The following ARL13B variants were observed in gnomAD, a reference collection of about 807,000 sequenced individuals.
The protein encoded by ARL13B is ARF like GTPase 13B.
In ARL13B, 36 loss-of-function variants were observed where a neutral mutation model predicts 56.1. The ratio of observed to expected loss-of-function variants is 0.64; its 90% confidence interval spans 0.49 to 0.85. ARL13B has a LOEUF of 0.85. ARL13B is among the 40% of genes least tolerant of loss of function. The pLI is 0.00. For missense variants in ARL13B, 519 were observed against 507.1 expected (o/e 1.02, Z -0.23); for synonymous variants, 178 against 171.1 (o/e 1.04, Z -0.32).
intron 7 of ARL13B, among the ~76,000 whole-genome samples, chr3:94,046,690 GTTTT>G (rs1250377278): frequency 1.3e-5 from 2 of 151,966 alleles, no homozygotes; most frequent in African/African-American, 4.8e-5. Context: ...ACATCTTAAG[GTTTT>G]TTGTTTGTTT....
At chr3:94,027,930 A>G (rs2076591494) in intron 3 of ARL13B, among the ~76,000 whole-genome samples, 1 of 152,150 alleles carries the variant, frequency 6.6e-6, no homozygotes, top group Non-Finnish European at 1.5e-5. Context: ...ATAGCAAATT[A>G]TTTCAGATTT....
intron 3 of ARL13B, chr3:94,028,442 C>T (rs920508281): frequency 3.3e-5 from 5 of 152,238 alleles, no homozygotes; most frequent in African/African-American, 1.2e-4. Flanking sequence ...ATCTGAATAT[C>T]ATCTCATGTT....
intron 3 of ARL13B, among the ~76,000 whole-genome samples, chr3:94,016,647 T>A (rs1205090658): frequency 7.6e-6 from 1 of 132,132 alleles, no homozygotes. Context: ...TAATTAAGCT[T>A]TCTTTTTTTT....
intron 3 of ARL13B, among the ~76,000 whole-genome samples, chr3:94,009,828 G>A (rs2076194808): frequency 1.3e-5 from 2 of 152,096 alleles, no homozygotes; most frequent in South Asian, 4.1e-4. Context: ...CTTCATAGCA[G>A]CTGTAATTTA....
chr3:94,036,455 G>T, intron 4 of ARL13B, 97 bp from the exon 5 acceptor site: 2 of 1,276,196 alleles, frequency 1.6e-6, no homozygotes, highest in Non-Finnish European at 2.2e-6. Flanking sequence ...AACTTAAATG[G>T]CTTAATTTTG....
chr3:94,035,564 A>G lies in ARL13B; in HGVS notation c.486+128A>G, dbSNP rs1384155725. On this transcript the variant is annotated intron_variant, in intron 4 of 9. Coordinates refer to ENST00000394222, the MANE Select transcript of ARL13B (RefSeq NM_001174150.2). ...TTCAAAGAATTTTTTGTAACCTATG[A>G]AATCACATTCCCATTTTTCTGTTGA... 4.7e-6 allele frequency: 3 copies of G among 638,742 alleles called. No homozygotes were observed. The African/African-American group carries it at 5.6e-5, about 12-fold the overall frequency. The allele number at this position is 638,742 out of a possible 1,614,324, so 39.6% of individuals were successfully genotyped here. A position where few individuals can be genotyped will look rare whatever the true frequency, so the allele number is the denominator to read the frequency against.
chr3:94,042,993 A>T, intron 6 of ARL13B, 22 bp from the exon 7 acceptor site: 1 of 1,550,418 alleles, frequency 6.4e-7, no homozygotes, highest in Non-Finnish European at 8.8e-7. Flanking sequence ...TAGTAAAGAT[A>T]ATGTATTTTA....
intron 1 of ARL13B, among the ~76,000 whole-genome samples, chr3:93,986,475 G>A (rs1710469450): frequency 6.6e-6 from 1 of 151,974 alleles, no homozygotes; most frequent in Non-Finnish European, 1.5e-5. Flanking sequence ...TCTCACATAT[G>A]TATCATAAAA....
chr3:94,023,512 A>G (rs183443179), intron 3 of ARL13B, among the ~76,000 whole-genome samples: 1 of 152,046 alleles, frequency 6.6e-6, no homozygotes. Flanking sequence ...TAATTTCTTT[A>G]AGAACTTTAT....
intron 3 of ARL13B, among the ~76,000 whole-genome samples, chr3:94,016,132 G>T (rs370787296): frequency 6.6e-6 from 1 of 151,774 alleles, no homozygotes; most frequent in Non-Finnish European, 1.5e-5. Context: ...TATATGAAAT[G>T]ACATACATAC....
At chr3:93,985,050 A>C (rs1210930389) in intron 1 of ARL13B, among the ~76,000 whole-genome samples, 2 of 152,188 alleles carry the variant, frequency 1.3e-5, no homozygotes, top group East Asian at 1.9e-4. Context: ...ACTAAATAAA[A>C]ATTTTAAATT....
At chr3:94,027,808 A>G (rs2076589158) in intron 3 of ARL13B, among the ~76,000 whole-genome samples, 3 of 152,118 alleles carry the variant, frequency 2.0e-5, no homozygotes, top group Admixed American at 2.0e-4. Flanking sequence ...GAAATATTAT[A>G]AAGGTTAGTG....
intron 2 of ARL13B, 63 bp downstream of exon 2, chr3:93,996,007 G>T: frequency 2.0e-6 from 3 of 1,500,976 alleles, no homozygotes; most frequent in Non-Finnish European, 2.8e-6. Flanking sequence ...TATTTATTTT[G>T]TTAAGTTGCT....
intron 3 of ARL13B, among the ~76,000 whole-genome samples, chr3:94,022,399 T>A (rs1322776663): frequency 1.3e-5 from 2 of 152,190 alleles, no homozygotes; most frequent in Admixed American, 6.5e-5. Flanking sequence ...GTGCTGGGAT[T>A]ACAGGTGTGA....
intron 7 of ARL13B, among the ~76,000 whole-genome samples, chr3:94,046,540 C>T (rs2076987460): frequency 6.6e-6 from 1 of 151,914 alleles, no homozygotes; most frequent in African/African-American, 2.4e-5. Flanking sequence ...TGAGGTAGTC[C>T]ATCATATCCA....
intron 3 of ARL13B, chr3:94,014,804 C>G: frequency 6.2e-7 from 1 of 1,614,060 alleles, no homozygotes; most frequent in Non-Finnish European, 8.5e-7. Flanking sequence ...TGCTTTGCTG[C>G]TATTGTGTCA....
At chr3:94,011,320 CTG>C (rs2076221275) in intron 3 of ARL13B, among the ~76,000 whole-genome samples, 2 of 152,126 alleles carry the variant, frequency 1.3e-5, no homozygotes, top group Non-Finnish European at 2.9e-5. Flanking sequence ...TAATACGTGA[CTG>C]TGATGGCTGA....
Position 93,980,206 on chromosome 3 carries a change from T to G in ARL13B, c.-218T>G. The G allele has an allele frequency of 1.4e-6, 1 of 703,768 alleles. No individual in the cohort carries two copies. Among genetic ancestry groups the G allele is most frequent in the Non-Finnish European group, 2.6e-6 (1 of 389,644 alleles). 43.6% of individuals were successfully genotyped at this position (703,768 alleles called of 1,614,324 possible). On this transcript the variant is annotated 5_prime_UTR_variant, in exon 1 of 10. Coordinates refer to ENST00000394222, the MANE Select transcript of ARL13B (RefSeq NM_001174150.2). ...CTCGGCTACGGTGTATCTGCGTCTT[T>G]GGTCAGGTTGTTCCTTGGCTAAGAG...
rs567286245 is a variant in ARL13B at position 94,024,571 on chromosome 3, C to A, written c.381-10760C>A. On this transcript the variant is annotated intron_variant, in intron 3 of 9. Transcript: ENST00000394222. ...TTTTTATGACTGGAAAGATCTTTGTCCTTTTTTGGGCGTGTTGTTTTGTTT... is the reference window on the plus strand; with the variant it reads ...TTTTTATGACTGGAAAGATCTTTGTACTTTTTTGGGCGTGTTGTTTTGTTT... 2.0e-5 allele frequency among the ~76,000 whole-genome samples: 3 copies of A among 152,138 alleles called. No individual in the cohort carries two copies. In the South Asian group the frequency reaches 6.2e-4, roughly 32 times the overall value.
Sources: gnomAD v4.1 joint callset for allele counts (sites outside exome capture counted in the v4.1 genomes callset) on GRCh38, gnomAD v4.1.1 for gene constraint, MANE v1.5 for transcripts, NCBI Gene and HGNC (gene_info 2026-07-23, HGNC 2026-07-21) for gene names.